Variants in ARHGEF26 observed in about 807,000 individuals in gnomAD.
ARHGEF26 encodes the protein Rho guanine nucleotide exchange factor 26, also known as Rho guanine nucleotide exchange factor (GEF) 26.
A neutral mutation model predicts 89.4 loss-of-function variants in ARHGEF26; 59 were observed. That is an observed-to-expected ratio of 0.66 (90% CI 0.54 to 0.82). ARHGEF26 has a LOEUF of 0.82. ARHGEF26 is among the 40% of genes least tolerant of loss of function. The pLI is 0.00. For synonymous variants in ARHGEF26, 500 were observed against 428.4 expected, an observed-to-expected ratio of 1.17 and a Z score of -2.06; for missense variants, 1,234 against 1,085.6, an observed-to-expected ratio of 1.14 and a Z score of -1.92.
intron 9 of ARHGEF26, among the ~76,000 whole-genome samples, chr3:154,204,024 G>T (rs1429946600): frequency 6.6e-6 from 1 of 152,010 alleles, no homozygotes. Flanking sequence ...AATTAGTTTG[G>T]AAGTATTCCC....
At chr3:154,147,373 T>G (rs1719764837) in intron 4 of ARHGEF26, among the ~76,000 whole-genome samples, 1 of 152,208 alleles carries the variant, frequency 6.6e-6, no homozygotes, top group Non-Finnish European at 1.5e-5. Flanking sequence ...ATAGCACCAC[T>G]GCACTCCAGT....
At chr3:154,207,399 T>G (rs1411157879) in intron 9 of ARHGEF26, among the ~76,000 whole-genome samples, 2 of 151,578 alleles carry the variant, frequency 1.3e-5, no homozygotes, top group Admixed American at 6.6e-5. Context: ...AAACTTAAAT[T>G]TACAAGAAAA....
In ARHGEF26 at chr3:154,257,202, C is replaced by T. The variant is rs183432981; in HGVS notation, c.*1729C>T. 1.2e-3 allele frequency: 477 copies of T among 406,404 alleles called. 3 individuals are homozygous for T. The highest frequency in any genetic ancestry group is 9.1e-3 in the African/African-American group (446 of 49,032). The allele number at this position is 406,404 out of a possible 1,614,324, so 25.2% of individuals were successfully genotyped here. A position where few individuals can be genotyped will look rare whatever the true frequency, so the allele number is the denominator to read the frequency against. Reference sequence around the variant, plus strand: ...GGGGACTTCTAACCCTTGGATTGCTCTTTTTGACCTGTGCATACCTTCTAA... The same window carrying T: ...GGGGACTTCTAACCCTTGGATTGCTTTTTTTGACCTGTGCATACCTTCTAA... On this transcript the variant is annotated 3_prime_UTR_variant, in exon 15 of 15. Coordinates refer to ENST00000465093, the MANE Select transcript of ARHGEF26 (RefSeq NM_015595.4).
intron 3 of ARHGEF26, among the ~76,000 whole-genome samples, chr3:154,128,386 C>T (rs1456619478): frequency 6.6e-6 from 1 of 152,084 alleles, no homozygotes; most frequent in African/African-American, 2.4e-5. Context: ...CACAGGGGTG[C>T]ACCACCACAC....
chr3:154,198,358 C>T (rs1332024548), intron 9 of ARHGEF26, among the ~76,000 whole-genome samples: 1 of 152,120 alleles, frequency 6.6e-6, no homozygotes, highest in Admixed American at 6.6e-5. Context: ...ACCATTCAAT[C>T]CAGCAATCCC....
At chr3:154,232,875 T>C (rs1053942936) in intron 11 of ARHGEF26, among the ~76,000 whole-genome samples, 3 of 151,786 alleles carry the variant, frequency 2.0e-5, no homozygotes, top group African/African-American at 7.3e-5. Context: ...TCACCCAGGC[T>C]GGAGTGCAGT....
chr3:154,148,486 A>G (rs961667789), intron 4 of ARHGEF26, among the ~76,000 whole-genome samples: 3 of 152,212 alleles, frequency 2.0e-5, no homozygotes, highest in Non-Finnish European at 2.9e-5. Context: ...TGATAGGACA[A>G]AGTACTCTTA....
intron 3 of ARHGEF26, among the ~76,000 whole-genome samples, chr3:154,127,689 GT>G (rs1718416755): frequency 6.7e-6 from 1 of 149,164 alleles, no homozygotes; most frequent in Non-Finnish European, 1.5e-5. Flanking sequence ...CAGTAACATA[GT>G]TTATTATCAT....
chr3:154,129,609 GC>G lies in ARHGEF26; in HGVS notation c.1162del (p.Asp389ThrfsTer20), dbSNP rs1395316286. ...CCTGTATCAAAACTACAAGGAAAAG[GC>G]CCTTGACATTGATTCTGATGAAGAG... ...AVLYQNYKEK[A>X]LDIDSDEESE... On this transcript the variant is annotated frameshift_variant, in exon 4 of 15. Transcript: ENST00000465093. LOFTEE classifies it high-confidence loss of function. 1 of 1,611,570 alleles carries G rather than the reference GC, an allele frequency of 6.2e-7. No homozygotes were observed. The highest frequency in any genetic ancestry group is 8.5e-7 in the Non-Finnish European group (1 of 1,178,844).
In ARHGEF26 at chr3:154,132,078, A is replaced by G. The variant is rs536469152; in HGVS notation, c.1269+2359A>G. Reference sequence around the variant, plus strand: ...GTTTATTGTGTTGCTTGGCAATTAAATTTAATGAAAGCAGCATGATTGGAC... The same window carrying G: ...GTTTATTGTGTTGCTTGGCAATTAAGTTTAATGAAAGCAGCATGATTGGAC... On this transcript the variant is annotated intron_variant, in intron 4 of 14. Transcript: ENST00000465093. Among the ~76,000 whole-genome samples the G allele has an allele frequency of 7.2e-5, 11 of 152,306 alleles. No homozygotes were observed. In the East Asian group the frequency reaches 9.7e-4, roughly 13 times the overall value.
chr3:154,200,252 G>C (rs796796388), intron 9 of ARHGEF26, among the ~76,000 whole-genome samples: 1 of 152,070 alleles, frequency 6.6e-6, no homozygotes, highest in South Asian at 2.1e-4. Context: ...TAAGAGATAG[G>C]GGTATAGTTT....
chr3:154,138,817 A>G (rs1390343696), intron 4 of ARHGEF26, among the ~76,000 whole-genome samples: 1 of 152,216 alleles, frequency 6.6e-6, no homozygotes, highest in African/African-American at 2.4e-5. Context: ...AGTTCTGTCT[A>G]TGGCAGGCCC....
At chr3:154,254,121 T>TC in intron 13 of ARHGEF26, among the ~76,000 whole-genome samples, 1 of 152,262 alleles carries the variant, frequency 6.6e-6, no homozygotes, top group East Asian at 1.9e-4. Flanking sequence ...TTCACCGTGT[T>TC]AGCCAGGATG....
intron 4 of ARHGEF26, among the ~76,000 whole-genome samples, chr3:154,131,262 G>A (rs940682700): frequency 6.6e-6 from 1 of 152,188 alleles, no homozygotes; most frequent in African/African-American, 2.4e-5. Context: ...CAGGGGCTCA[G>A]TGTGACCAGA....
intron 12 of ARHGEF26, among the ~76,000 whole-genome samples, chr3:154,247,313 C>G (rs538717760): frequency 1.3e-5 from 2 of 152,312 alleles, no homozygotes; most frequent in Middle Eastern, 3.4e-3. Flanking sequence ...GTTATCCAGT[C>G]TGGAGACTTG....
At chr3:154,139,139 G>A (rs1307999178) in intron 4 of ARHGEF26, among the ~76,000 whole-genome samples, 1 of 152,102 alleles carries the variant, frequency 6.6e-6, no homozygotes, top group African/African-American at 2.4e-5. Context: ...TAGAGAAAAT[G>A]TCATGTGCAC....
chr3:154,186,694 A>G (rs936577321), intron 6 of ARHGEF26, among the ~76,000 whole-genome samples: 1 of 151,786 alleles, frequency 6.6e-6, no homozygotes, highest in African/African-American at 2.4e-5. Context: ...CCCGGGAGGC[A>G]GAAGTTGCAG....
At chr3:154,126,840 A>T (rs186735644) in intron 3 of ARHGEF26, among the ~76,000 whole-genome samples, 1 of 152,264 alleles carries the variant, frequency 6.6e-6, no homozygotes, top group African/African-American at 2.4e-5. Context: ...ACCCTTGGGC[A>T]GTTTTGTTGT....
intron 6 of ARHGEF26, among the ~76,000 whole-genome samples, chr3:154,176,728 T>A (rs1360171370): frequency 6.6e-6 from 1 of 152,152 alleles, no homozygotes; most frequent in Admixed American, 6.5e-5. Flanking sequence ...GGGTCTGATG[T>A]TTCAGAGAAA....
Sources: allele counts gnomAD v4.1 joint callset (sites outside exome capture counted in the v4.1 genomes callset), GRCh38; gene constraint gnomAD v4.1.1; transcripts MANE v1.5; gene names NCBI Gene and HGNC (gene_info 2026-07-23, HGNC 2026-07-21).